Variants in NMBR observed in about 807,000 individuals in gnomAD.
The protein encoded by NMBR is neuromedin-B receptor.
In NMBR, 16 loss-of-function variants were observed where a neutral mutation model predicts 20.5. The ratio of observed to expected loss-of-function variants is 0.78; its 90% confidence interval spans 0.53 to 1.19. The LOEUF (loss-of-function observed/expected upper bound fraction) is 1.19. Ranked by LOEUF, NMBR falls within the 50% of genes most tolerant of loss-of-function variation. The pLI is 0.00. For synonymous variants in NMBR, 212 were observed against 196.6 expected, an observed-to-expected ratio of 1.08 and a Z score of -0.65; for missense variants, 582 against 499.1, an observed-to-expected ratio of 1.17 and a Z score of -1.58.
chr6:142,146,180 T>C (rs1047583703), intron 1 of NMBR, among the ~76,000 whole-genome samples: 1 of 152,162 alleles, frequency 6.6e-6, no homozygotes, highest in African/African-American at 2.4e-5. Flanking sequence ...GATGATGGAC[T>C]TTGCAAATAG....
chr6:142,144,615 T>G (rs1341818775), intron 1 of NMBR, among the ~76,000 whole-genome samples: 2 of 152,204 alleles, frequency 1.3e-5, no homozygotes, highest in Non-Finnish European at 2.9e-5. Context: ...GTCTTTCTAG[T>G]AAAATATCAT....
chr6:142,092,267 G>A (rs1269930007), intron 1 of NMBR, among the ~76,000 whole-genome samples: 2 of 152,086 alleles, frequency 1.3e-5, no homozygotes, highest in African/African-American at 4.8e-5. Context: ...TTCAAAGTCA[G>A]CTGCATGTAG....
At chr6:142,119,569 G>A (rs1343521347) in intron 1 of NMBR, among the ~76,000 whole-genome samples, 1 of 151,716 alleles carries the variant, frequency 6.6e-6, no homozygotes, top group Non-Finnish European at 1.5e-5. Flanking sequence ...CACAGAAACA[G>A]CAACAATATA....
chr6:142,118,421 C>T (rs1777888190), intron 1 of NMBR, among the ~76,000 whole-genome samples: 1 of 151,874 alleles, frequency 6.6e-6, no homozygotes, highest in Non-Finnish European at 1.5e-5. Flanking sequence ...GTCTCATAAT[C>T]GAAGAACCTG....
intron 1 of NMBR, among the ~76,000 whole-genome samples, chr6:142,114,029 T>C (rs1442398169): frequency 6.6e-6 from 1 of 151,448 alleles, no homozygotes; most frequent in Non-Finnish European, 1.5e-5. Context: ...CCCCCAGGGG[T>C]TTCTCAGCAT....
chr6:142,075,550 C>T lies in NMBR; in HGVS notation c.*98G>A, dbSNP rs1273520341. 8.7e-7 allele frequency: 1 copy of T among 1,147,290 alleles called. No homozygotes were observed. The highest frequency in any genetic ancestry group is 2.6e-5 in the Admixed American group (1 of 38,522). 71.1% of individuals were successfully genotyped at this position (1,147,290 alleles called of 1,614,324 possible). ...ATTTTCTGAGTCAATCATGCAATTG[C>T]CTAATAAATTAGCTAAGCAACAGCA... On this transcript the variant is annotated 3_prime_UTR_variant, in exon 4 of 4. Coordinates refer to ENST00000258042, the MANE Select transcript of NMBR (RefSeq NM_002511.4).
intron 2 of NMBR, among the ~76,000 whole-genome samples, chr6:142,079,870 A>G (rs1269426202): frequency 6.6e-6 from 1 of 152,232 alleles, no homozygotes; most frequent in Admixed American, 6.5e-5. Context: ...TGATAAAGGA[A>G]TCACACTCCA....
At chr6:142,097,542 G>A (rs565317798) in intron 1 of NMBR, among the ~76,000 whole-genome samples, 7 of 152,168 alleles carry the variant, frequency 4.6e-5, no homozygotes, top group South Asian at 2.1e-4. Context: ...ATGGGGCTAC[G>A]TCCTGATAAA....
In NMBR at chr6:142,108,290, A is replaced by G. The variant is rs1582850577; in HGVS notation, c.-663-18969T>C. 2.6e-5 allele frequency among the ~76,000 whole-genome samples: 4 copies of G among 152,222 alleles called. No individual in the cohort carries two copies. In the East Asian group the frequency reaches 7.7e-4, roughly 29 times the overall value. ...CCTACACTTAGACATATCAAAGTAA[A>G]AATATTCACAGGCAATGATAAAATA... is the stretch of plus-strand genomic sequence containing the variant. On this transcript the variant is annotated intron_variant, in intron 1 of 3. Transcript: ENST00000258042.
At chr6:142,084,952 A>C (rs1036129740) in intron 2 of NMBR, among the ~76,000 whole-genome samples, 1 of 152,214 alleles carries the variant, frequency 6.6e-6, no homozygotes, top group African/African-American at 2.4e-5. Context: ...ACATGACAGA[A>C]TATAGAAATA....
chr6:142,101,553 C>A (rs952558263), intron 1 of NMBR, among the ~76,000 whole-genome samples: 2 of 152,128 alleles, frequency 1.3e-5, no homozygotes, highest in African/African-American at 4.8e-5. Flanking sequence ...ATGGTGGAAT[C>A]TCCTGTTTAC....
intron 1 of NMBR, among the ~76,000 whole-genome samples, chr6:142,104,304 C>A (rs1485603627): frequency 1.3e-5 from 2 of 152,126 alleles, no homozygotes; most frequent in African/African-American, 2.4e-5. Context: ...AAATTTTATA[C>A]CATTTTGGAA....
Position 142,088,747 on chromosome 6 carries a change from C to T in NMBR, c.-89G>A. ...CCCACGATTTAGGTTTAATCGATGT[C>T]CCTCCCTCTCGCCCCTGCAAGTTTA... On this transcript the variant is annotated 5_prime_UTR_variant, in exon 2 of 4. Coordinates refer to ENST00000258042, the MANE Select transcript of NMBR (RefSeq NM_002511.4). 1.7e-6 allele frequency: 2 copies of T among 1,181,874 alleles called. No homozygotes were observed. Among genetic ancestry groups the T allele is most frequent in the Non-Finnish European group, 2.4e-6 (2 of 850,824 alleles). 73.2% of individuals were successfully genotyped at this position (1,181,874 alleles called of 1,614,324 possible).
intron 2 of NMBR, among the ~76,000 whole-genome samples, chr6:142,084,297 T>A (rs1201896102): frequency 1.3e-5 from 2 of 152,248 alleles, no homozygotes; most frequent in Admixed American, 1.3e-4. Context: ...CTTTGTCTAC[T>A]GACCTAGTTA....
chr6:142,118,277 A>G (rs1351153117), intron 1 of NMBR, among the ~76,000 whole-genome samples: 2 of 151,956 alleles, frequency 1.3e-5, no homozygotes, highest in East Asian at 1.9e-4. Context: ...ATACACTTAT[A>G]TTTGTGGTCA....
chr6:142,082,957 T>C (rs1777128415), intron 2 of NMBR, among the ~76,000 whole-genome samples: 1 of 152,172 alleles, frequency 6.6e-6, no homozygotes, highest in Admixed American at 6.5e-5. Context: ...CCTGATGCAA[T>C]CCCTCCTTAT....
At chr6:142,087,086 C>T (rs1326613400) in intron 2 of NMBR, among the ~76,000 whole-genome samples, 1 of 152,134 alleles carries the variant, frequency 6.6e-6, no homozygotes, top group African/African-American at 2.4e-5. Context: ...CCTAAGTTTC[C>T]AGGAGTGTGG....
rs746642274 is a variant in NMBR, at chr6:142,087,175, C to A, written c.422+1062G>T. On this transcript the variant is annotated intron_variant, in intron 2 of 3. Transcript: ENST00000258042. ...TTTCCCTCAGTCAGGATTAACTCTT[C>A]AATGCCAAAGTAGTATTCCAGTATT... Among the ~76,000 whole-genome samples, 116 of 152,280 alleles carry A rather than the reference C, an allele frequency of 7.6e-4. 3 individuals carry two copies. The highest frequency in any genetic ancestry group is 6.8e-3 in the Middle Eastern group (2 of 294).
intron 2 of NMBR, among the ~76,000 whole-genome samples, chr6:142,082,096 C>G (rs115899076): frequency 0.014 from 2,128 of 150,924 alleles, 46 homozygotes; most frequent in African/African-American, 0.049. Context: ...ACAGAGTCAT[C>G]ATAGCATCTC....
Sources: gnomAD v4.1 joint callset for allele counts (sites outside exome capture counted in the v4.1 genomes callset) on GRCh38, gnomAD v4.1.1 for gene constraint, MANE v1.5 for transcripts, NCBI Gene and HGNC (gene_info 2026-07-23, HGNC 2026-07-21) for gene names.